The following RASSF2 variants were observed in gnomAD, a reference collection of about 807,000 sequenced individuals.
The protein encoded by RASSF2 is ras association domain-containing protein 2.
A neutral mutation model predicts 46.3 loss-of-function variants in RASSF2; 34 were observed. That is an observed-to-expected ratio of 0.73 (90% CI 0.56 to 0.98). The LOEUF is 0.98. Ranked by LOEUF, RASSF2 falls within the 50% of genes least tolerant of loss-of-function variation. The probability of loss-of-function intolerance (pLI) is 0.00; values close to 1 mark genes in which losing one functional copy is unlikely to be tolerated. For missense variants in RASSF2, 364 were observed against 431.2 expected (o/e 0.84, Z 1.38); for synonymous variants, 158 against 162.5 (o/e 0.97, Z 0.21).
intron 2 of RASSF2, among the ~76,000 whole-genome samples, chr20:4,815,892 A>C (rs1928265538): frequency 6.6e-6 from 1 of 152,242 alleles, no homozygotes; most frequent in African/African-American, 2.4e-5. Flanking sequence ...GCCAGGAAGG[A>C]TAGTCAGGAC....
intron 2 of RASSF2, among the ~76,000 whole-genome samples, chr20:4,802,713 T>C (rs1480850431): frequency 6.6e-6 from 1 of 151,964 alleles, no homozygotes; most frequent in Admixed American, 6.5e-5. Flanking sequence ...AGTTTCTTAA[T>C]GGGTACAGAG....
chr20:4,803,300 G>A (rs1927048257), intron 2 of RASSF2, among the ~76,000 whole-genome samples: 1 of 152,108 alleles, frequency 6.6e-6, no homozygotes, highest in Non-Finnish European at 1.5e-5. Context: ...CTGGAAGAAG[G>A]ATCCACGACC....
chr20:4,799,422 G>A (rs913953076), intron 3 of RASSF2, among the ~76,000 whole-genome samples: 2 of 152,204 alleles, frequency 1.3e-5, no homozygotes, highest in Non-Finnish European at 2.9e-5. Flanking sequence ...GGGCCACTGT[G>A]CGCTTTTGTC....
At chr20:4,794,928 G>A (rs1468386670) in intron 5 of RASSF2, among the ~76,000 whole-genome samples, 1 of 152,204 alleles carries the variant, frequency 6.6e-6, no homozygotes, top group Non-Finnish European at 1.5e-5. Context: ...TTTGGCTGTG[G>A]AGTTTAGCAA....
chr20:4,796,920 T>A (rs1240881190), intron 4 of RASSF2, among the ~76,000 whole-genome samples: 1 of 152,198 alleles, frequency 6.6e-6, no homozygotes, highest in East Asian at 1.9e-4. Context: ...TTTTATGGGC[T>A]ATTCAAGTGT....
Position 4,790,314 on chromosome 20 carries a change from C to A in RASSF2, c.537+137G>T, listed in dbSNP as rs1925759351. ...GAAGCCAGCAGGGCTTGCAGCCCAC[C>A]CACAACCCAAAGACTAAACAGCAGC... On this transcript the variant is annotated intron_variant, in intron 7 of 11. Transcript: ENST00000379400. This position sits in a 1 kb window ranked among gnomAD's most constrained non-coding sequence, Gnocchi z 4.3. 8 of 1,078,578 alleles carry A rather than the reference C, an allele frequency of 7.4e-6. No homozygotes were observed. The highest frequency in any genetic ancestry group is 7.4e-6 in the Non-Finnish European group (6 of 812,106). 66.8% of individuals were successfully genotyped at this position (1,078,578 alleles called of 1,614,324 possible). A position where few individuals can be genotyped will look rare whatever the true frequency, so the allele number is the denominator to read the frequency against.
At chr20:4,792,392 A>G (rs1260269477) in intron 6 of RASSF2, 147 bp downstream of exon 6, 2 of 1,489,040 alleles carry the variant, frequency 1.3e-6, no homozygotes, top group Admixed American at 4.0e-5. Context: ...AGGTGGGTGG[A>G]TGAGGTGGGT....
At position 4,800,977 on chromosome 20, in the gene RASSF2, A is replaced by C; in HGVS notation, c.54T>G (p.Ile18Met). The C allele has an allele frequency of 6.2e-7, 1 of 1,610,802 alleles. No homozygotes were observed. The change falls in exon 3 of 12, where the codon ATT becomes ATG. Residue 18 changes from isoleucine (I) to methionine (M), a missense_variant. Coordinates refer to ENST00000379400, the MANE Select transcript of RASSF2 (RefSeq NM_014737.3). ...SLVPCGQDKY[I>M]SKNELLLHLK... ...ACTCCAGCAAAACGTCTTACTTGGAAATGTATTTATCTTGTCCACATGGGA... is the reference window on the plus strand; with the variant it reads ...ACTCCAGCAAAACGTCTTACTTGGACATGTATTTATCTTGTCCACATGGGA...
At chr20:4,813,660 C>G (rs779668228) in intron 2 of RASSF2, among the ~76,000 whole-genome samples, 1 of 152,180 alleles carries the variant, frequency 6.6e-6, no homozygotes, top group Non-Finnish European at 1.5e-5. Context: ...ATCAGAGAGG[C>G]AGGGCGCTGG....
chr20:4,789,031 A>G (rs189686029), intron 8 of RASSF2, among the ~76,000 whole-genome samples: 71 of 152,340 alleles, frequency 4.7e-4, no homozygotes, highest in African/African-American at 1.6e-3. Flanking sequence ...TTGTTAGGCT[A>G]CACTGGCTTC....
chr20:4,802,138 C>T (rs550935580), intron 2 of RASSF2, among the ~76,000 whole-genome samples: 3 of 152,112 alleles, frequency 2.0e-5, no homozygotes, highest in Admixed American at 1.3e-4. Flanking sequence ...GTGGCATGAC[C>T]ATAGCTCACT....
At chr20:4,800,927 C>T (rs753613132) in intron 3 of RASSF2, 45 bp downstream of exon 3, 37 of 1,522,684 alleles carry the variant, frequency 2.4e-5, no homozygotes, top group African/African-American at 2.7e-5. Flanking sequence ...CATCCCAGCA[C>T]GGGACTGGTC....
chr20:4,797,906 A>G, intron 4 of RASSF2, 104 bp downstream of exon 4: 2 of 1,518,504 alleles, frequency 1.3e-6, no homozygotes, highest in Admixed American at 4.5e-5. Context: ...AATAAGAAGC[A>G]GGAGAGGCAG....
In RASSF2 at chr20:4,795,582, C is replaced by T; in HGVS notation, c.287+233G>A. Reference sequence around the variant, plus strand: ...CAGCAGCTCCCCTCGTATGACTCAGCAGCTCCCCTCCTGTGACCTCATCAG... The same window carrying T: ...CAGCAGCTCCCCTCGTATGACTCAGTAGCTCCCCTCCTGTGACCTCATCAG... On this transcript the variant is annotated intron_variant, in intron 5 of 11. Transcript: ENST00000379400. This position sits in a 1 kb window ranked among gnomAD's most constrained non-coding sequence, Gnocchi z 4.0. 4.7e-6 allele frequency: 2 copies of T among 426,670 alleles called. No homozygotes were observed. The highest frequency in any genetic ancestry group is 8.3e-6 in the Non-Finnish European group (2 of 240,270). The allele number at this position is 426,670 out of a possible 1,614,324, so 26.4% of individuals were successfully genotyped here. A position where few individuals can be genotyped will look rare whatever the true frequency, so the allele number is the denominator to read the frequency against.
chr20:4,802,914 A>AT (rs60825053), intron 2 of RASSF2, among the ~76,000 whole-genome samples: 15,571 of 95,336 alleles, frequency 0.16, 1,089 homozygotes, highest in East Asian at 0.33. Flanking sequence ...ATATATATAT[A>AT]TTTTTTTTTT....
chr20:4,814,449 T>G (rs1406077459), intron 2 of RASSF2, among the ~76,000 whole-genome samples: 1 of 152,180 alleles, frequency 6.6e-6, no homozygotes. Flanking sequence ...CCTTTTTTGG[T>G]GCTATAGGCT....
chr20:4,802,571 G>A (rs995165871), intron 2 of RASSF2, among the ~76,000 whole-genome samples: 1 of 152,116 alleles, frequency 6.6e-6, no homozygotes, highest in African/African-American at 2.4e-5. Context: ...CACCCAAAAA[G>A]AAAAATACCA....
chr20:4,805,000 A>G (rs989539138), intron 2 of RASSF2, among the ~76,000 whole-genome samples: 1 of 152,050 alleles, frequency 6.6e-6, no homozygotes, highest in African/African-American at 2.4e-5. Flanking sequence ...TCCAGGCAGA[A>G]AGAGCAGGCA....
chr20:4,798,548 C>A (rs73588958), intron 3 of RASSF2, among the ~76,000 whole-genome samples: 1 of 151,914 alleles, frequency 6.6e-6, no homozygotes, highest in African/African-American at 2.4e-5. Flanking sequence ...AAGCTGGCTG[C>A]GCGCAGTGGC....
Sources: gnomAD v4.1 joint callset for allele counts (sites outside exome capture counted in the v4.1 genomes callset) on GRCh38, gnomAD v4.1.1 for gene constraint, Gnocchi (gnomAD v3.1) non-coding constraint, MANE v1.5 for transcripts, NCBI Gene and HGNC (gene_info 2026-07-23, HGNC 2026-07-21) for gene names.